HLCS: variants seen among roughly 807,000 people sequenced by gnomAD.
HLCS encodes the protein holocarboxylase synthetase, also known as biotin--protein ligase.
Under a neutral mutation model 75.0 loss-of-function variants are expected in HLCS, and 53 were observed. The observed-to-expected ratio is 0.71, with a 90% CI of 0.57 to 0.89. HLCS has a LOEUF of 0.89. Among genes scored for constraint, HLCS ranks in the 40% least tolerant of loss-of-function variants. HLCS has a pLI of 0.00. For synonymous variants in HLCS, 431 were observed against 428.6 expected (o/e 1.01, Z -0.07); for missense variants, 966 against 1,074.0 (o/e 0.90, Z 1.41).
chr21:36,831,081 T>C (rs1460010125), intron 6 of HLCS, among the ~76,000 whole-genome samples: 1 of 152,180 alleles, frequency 6.6e-6, no homozygotes, highest in African/African-American at 2.4e-5. Context: ...ATTAGTTTTG[T>C]ATAATCTTTT....
At position 36,828,401 on chromosome 21, in the gene HLCS, ATGAG is replaced by A. The variant is rs371207945; in HGVS notation, c.1893-61120_1893-61117del. ...AATGAATGAATGAATGAATGAATGAATGAGTGAATAAATGGTTATACTTCACTGG... is the reference window on the plus strand; with the variant it reads ...AATGAATGAATGAATGAATGAATGAATGAATAAATGGTTATACTTCACTGG... On this transcript the variant is annotated intron_variant, in intron 6 of 10. Transcript: ENST00000674895. 1.1e-3 allele frequency among the ~76,000 whole-genome samples: 159 copies of A among 149,662 alleles called. 1 individual carries two copies. Among genetic ancestry groups the A allele is most frequent in the African/African-American group, 3.7e-3 (151 of 40,480 alleles).
chr21:36,984,494 C>A (rs2069189565), intron 1 of HLCS, among the ~76,000 whole-genome samples: 2 of 152,186 alleles, frequency 1.3e-5, no homozygotes, highest in Non-Finnish European at 2.9e-5. Flanking sequence ...AGAGATGATT[C>A]GTGTCCCAGG....
intron 5 of HLCS, among the ~76,000 whole-genome samples, chr21:36,900,058 T>C (rs2065172197): frequency 6.6e-6 from 1 of 151,994 alleles, no homozygotes; most frequent in South Asian, 2.1e-4. Flanking sequence ...TGAGCCAAGA[T>C]TGCGCCACTG....
intron 1 of HLCS, among the ~76,000 whole-genome samples, chr21:36,976,301 G>T (rs1182531680): frequency 1.3e-5 from 2 of 152,176 alleles, no homozygotes; most frequent in Non-Finnish European, 2.9e-5. Context: ...TCTGAAAACA[G>T]AGGCATGATC....
chr21:36,754,464 G>T, intron 10 of HLCS, 47 bp from the exon 11 acceptor site: 2 of 1,574,546 alleles, frequency 1.3e-6, no homozygotes, highest in South Asian at 1.1e-5. Flanking sequence ...GTCACAGGAC[G>T]ACTTAAGACA....
chr21:36,815,726 C>T (rs2061645765), intron 6 of HLCS, among the ~76,000 whole-genome samples: 1 of 152,154 alleles, frequency 6.6e-6, no homozygotes, highest in African/African-American at 2.4e-5. Context: ...AAAACAGGCA[C>T]TCGCTTCACT....
intron 6 of HLCS, among the ~76,000 whole-genome samples, chr21:36,868,390 G>A (rs1302103232): frequency 1.3e-5 from 2 of 152,062 alleles, no homozygotes; most frequent in African/African-American, 4.8e-5. Flanking sequence ...AGGTGGGAAT[G>A]AGAGAAAGGA....
At chr21:36,932,353 A>G (rs1027049579) in intron 4 of HLCS, among the ~76,000 whole-genome samples, 1 of 152,188 alleles carries the variant, frequency 6.6e-6, no homozygotes, top group East Asian at 1.9e-4. Flanking sequence ...TTAAGGGTGC[A>G]GTTTCCAAGA....
Position 36,882,122 on chromosome 21 carries a change from A to T in HLCS, c.1892+14738T>A, listed in dbSNP as rs978045923. On this transcript the variant is annotated intron_variant, in intron 6 of 10. Coordinates refer to ENST00000674895, the MANE Select transcript of HLCS (RefSeq NM_001352514.2). ...ACGGTGAAACCCCGTCTCTACTAAA[A>T]ATACAAAAAATTAGCCGGGCGTGGT... is the stretch of plus-strand genomic sequence containing the variant. 9.2e-5 allele frequency among the ~76,000 whole-genome samples: 14 copies of T among 151,602 alleles called. No individual in the cohort carries two copies. The East Asian group carries it at 2.0e-3, about 21-fold the overall frequency.
intron 10 of HLCS, among the ~76,000 whole-genome samples, chr21:36,756,306 C>T (rs1383213832): frequency 5.9e-5 from 9 of 151,966 alleles, no homozygotes; most frequent in Middle Eastern, 3.4e-3. Context: ...GGTGTGGCGG[C>T]GGGCACCTGT....
chr21:36,933,668 C>T (rs746328756), intron 4 of HLCS, among the ~76,000 whole-genome samples: 2 of 151,710 alleles, frequency 1.3e-5, no homozygotes, highest in South Asian at 2.1e-4. Flanking sequence ...AGCATAGCGG[C>T]GAGACCCGTT....
chr21:36,987,483 C>T (rs1182942353), intron 1 of HLCS, among the ~76,000 whole-genome samples: 4 of 151,968 alleles, frequency 2.6e-5, no homozygotes, highest in East Asian at 1.9e-4. Context: ...TGTGGTGGTG[C>T]GTGCCTGTAA....
At chr21:36,764,751 G>A (rs779863466) in intron 8 of HLCS, among the ~76,000 whole-genome samples, 21 of 152,130 alleles carry the variant, frequency 1.4e-4, no homozygotes, top group Admixed American at 5.9e-4. Flanking sequence ...AAACTAAAGC[G>A]TTGCCCTCAT....
chr21:36,966,759 CGGCGGGGGA>C (rs1456902885), upstream of HLCS: 3 of 224,874 alleles, frequency 1.3e-5, no homozygotes, highest in African/African-American at 9.4e-5. Flanking sequence ...GGGGTGGGGA[CGGCGGGGGA>C]GGCGGGGACC....
At chr21:36,809,403 A>C (rs2061446965) in intron 6 of HLCS, among the ~76,000 whole-genome samples, 1 of 152,202 alleles carries the variant, frequency 6.6e-6, no homozygotes, top group Non-Finnish European at 1.5e-5. Context: ...AGTTTGCAAG[A>C]ACCAGCGTGG....
chr21:36,959,346 T>C (rs2068150216), intron 2 of HLCS, among the ~76,000 whole-genome samples: 1 of 152,224 alleles, frequency 6.6e-6, no homozygotes, highest in Non-Finnish European at 1.5e-5. Flanking sequence ...GGAGCCACTC[T>C]GGACCACGAG....
chr21:36,829,843 G>C lies in HLCS; in HGVS notation c.1893-62558C>G, dbSNP rs189861887. On this transcript the variant is annotated intron_variant, in intron 6 of 10. Transcript: ENST00000674895. Reference sequence around the variant, plus strand: ...AGAGGGAAGGAGGGGCAGGCACGCAGCTACACTATATGAGCTCACGTCTGA... The same window carrying C: ...AGAGGGAAGGAGGGGCAGGCACGCACCTACACTATATGAGCTCACGTCTGA... Among the ~76,000 whole-genome samples the C allele has an allele frequency of 2.0e-4, 31 of 152,304 alleles. No homozygotes were observed. In the East Asian group the frequency reaches 6.0e-3, roughly 29 times the overall value.
chr21:36,798,608 G>C (rs983058562), intron 6 of HLCS, among the ~76,000 whole-genome samples: 1 of 152,198 alleles, frequency 6.6e-6, no homozygotes, highest in Non-Finnish European at 1.5e-5. Context: ...ATAAATTCCA[G>C]ACTGTTTTCA....
intron 7 of HLCS, among the ~76,000 whole-genome samples, chr21:36,765,576 T>C (rs1039980170): frequency 2.0e-5 from 3 of 152,344 alleles, no homozygotes; most frequent in Non-Finnish European, 4.4e-5. Flanking sequence ...GCAATTCCTA[T>C]TGTGGCGATG....
Sources: gnomAD v4.1 joint callset for allele counts (sites outside exome capture counted in the v4.1 genomes callset) on GRCh38, gnomAD v4.1.1 for gene constraint, MANE v1.5 for transcripts, NCBI Gene and HGNC (gene_info 2026-07-23, HGNC 2026-07-21) for gene names.